SPOCK1: variants seen among roughly 807,000 people sequenced by gnomAD.
SPOCK1 encodes SPARC (osteonectin), cwcv and kazal like domains proteoglycan 1.
Under a neutral mutation model 55.3 loss-of-function variants are expected in SPOCK1, and 23 were observed. That is an observed-to-expected ratio of 0.42 (90% CI 0.30 to 0.59). SPOCK1 has a LOEUF of 0.59. Among genes scored for constraint, SPOCK1 ranks in the 20% least tolerant of loss-of-function variants. The pLI, the probability that SPOCK1 is intolerant of heterozygous loss-of-function variation, is 0.22. For synonymous variants in SPOCK1, 226 were observed against 221.0 expected (o/e 1.02, Z -0.20); for missense variants, 499 against 552.5 (o/e 0.90, Z 0.97).
At chr5:137,485,685 A>G (rs1754040054) in intron 2 of SPOCK1, among the ~76,000 whole-genome samples, 1 of 152,204 alleles carries the variant, frequency 6.6e-6, no homozygotes, top group African/African-American at 2.4e-5. Flanking sequence ...AGGTAAATAA[A>G]TTGTGGAATA....
intron 3 of SPOCK1, among the ~76,000 whole-genome samples, chr5:137,265,973 T>G (rs188091362): frequency 8.5e-5 from 13 of 152,338 alleles, no homozygotes; most frequent in African/African-American, 3.1e-4. Context: ...AATGCTAGCA[T>G]GCATGAATGA....
chr5:137,399,017 A>G (rs1438674067), intron 2 of SPOCK1, among the ~76,000 whole-genome samples: 1 of 151,742 alleles, frequency 6.6e-6, no homozygotes, highest in Non-Finnish European at 1.5e-5. Flanking sequence ...TACAAATGAC[A>G]CCATCCTAAA....
chr5:137,209,376 T>G (rs1001737582), intron 3 of SPOCK1, among the ~76,000 whole-genome samples: 6 of 152,222 alleles, frequency 3.9e-5, no homozygotes, highest in Admixed American at 3.9e-4. Flanking sequence ...ATGCTATAAA[T>G]GAATTGCTTG....
intron 4 of SPOCK1, among the ~76,000 whole-genome samples, chr5:137,113,622 C>A (rs1319845693): frequency 1.3e-5 from 2 of 152,116 alleles, no homozygotes; most frequent in Non-Finnish European, 2.9e-5. Flanking sequence ...GAATTGACTT[C>A]AAGTGGATAT....
chr5:137,156,912 C>A (rs1165341047), intron 3 of SPOCK1, among the ~76,000 whole-genome samples: 1 of 151,950 alleles, frequency 6.6e-6, no homozygotes, highest in Non-Finnish European at 1.5e-5. Flanking sequence ...GGTGACCAGC[C>A]CATATAATGC....
intron 3 of SPOCK1, among the ~76,000 whole-genome samples, chr5:137,141,095 A>G (rs1754089042): frequency 6.6e-6 from 1 of 152,182 alleles, no homozygotes; most frequent in South Asian, 2.1e-4. Context: ...ACAGATAGGA[A>G]GTAAACCAAC....
chr5:137,399,878 C>T (rs746628133), intron 2 of SPOCK1, among the ~76,000 whole-genome samples: 1 of 152,110 alleles, frequency 6.6e-6, no homozygotes, highest in South Asian at 2.1e-4. Context: ...TATTTGACAG[C>T]GTTGGCAGGG....
chr5:137,485,777 A>G (rs1347311350), intron 2 of SPOCK1, among the ~76,000 whole-genome samples: 1 of 152,250 alleles, frequency 6.6e-6, no homozygotes, highest in Non-Finnish European at 1.5e-5. Flanking sequence ...AAGAAGCCAG[A>G]CATTTAAAAG....
At chr5:137,064,581 G>C (rs1752459285) in intron 6 of SPOCK1, among the ~76,000 whole-genome samples, 1 of 152,144 alleles carries the variant, frequency 6.6e-6, no homozygotes, top group South Asian at 2.1e-4. Context: ...ACAGGTAAGG[G>C]GAGGTGGACT....
chr5:137,326,165 GC>G (rs1320318151), intron 2 of SPOCK1, among the ~76,000 whole-genome samples: 1 of 151,944 alleles, frequency 6.6e-6, no homozygotes, highest in Non-Finnish European at 1.5e-5. Flanking sequence ...AAAAAAGGCA[GC>G]TCCCATTCAG....
chr5:137,224,126 AC>A (rs1265580772), intron 3 of SPOCK1, among the ~76,000 whole-genome samples: 1 of 152,224 alleles, frequency 6.6e-6, no homozygotes, highest in Non-Finnish European at 1.5e-5. Flanking sequence ...ATAGCTCAGC[AC>A]TGTTTGTTAA....
Position 137,462,608 on chromosome 5 carries a change from T to G in SPOCK1, c.186+35765A>C, listed in dbSNP as rs1753512913. ...TTTCCTTATCTGAAAAAAATGAGGA[T>G]TATAGTGGTATTGATGACATGGAGC... On this transcript the variant is annotated intron_variant, in intron 2 of 10. Coordinates refer to ENST00000394945, the MANE Select transcript of SPOCK1 (RefSeq NM_004598.4). 2.6e-5 allele frequency among the ~76,000 whole-genome samples: 4 copies of G among 152,136 alleles called. No individual in the cohort carries two copies. The South Asian group carries it at 8.3e-4, about 32-fold the overall frequency.
At chr5:137,217,647 TACTGAAGTAAGTACTC>T (rs1755743932) in intron 3 of SPOCK1, among the ~76,000 whole-genome samples, 1 of 152,244 alleles carries the variant, frequency 6.6e-6, no homozygotes. Flanking sequence ...CAGCCACTGT[TACTGAAGTAAGTACTC>T]ACTGTACTTC....
At chr5:137,152,174 A>T (rs929312589) in intron 3 of SPOCK1, among the ~76,000 whole-genome samples, 1 of 152,216 alleles carries the variant, frequency 6.6e-6, no homozygotes, top group Non-Finnish European at 1.5e-5. Context: ...AGTGCCGTAT[A>T]ACTTAAGTCT....
intron 3 of SPOCK1, among the ~76,000 whole-genome samples, chr5:137,214,288 G>A (rs1755672068): frequency 6.6e-6 from 1 of 152,136 alleles, no homozygotes; most frequent in Admixed American, 6.5e-5. Context: ...TCACAGAGCT[G>A]GCAAGTGGTG....
rs1561573511 is a variant in SPOCK1 at position 136,992,860 on chromosome 5, G to T, written c.590-260C>A. 3 of 359,834 alleles carry T rather than the reference G, an allele frequency of 8.3e-6. No homozygotes were observed. The East Asian group carries it at 1.4e-4, about 16-fold the overall frequency. The allele number at this position is 359,834 out of a possible 1,614,324, so 22.3% of individuals were successfully genotyped here. On this transcript the variant is annotated intron_variant, in intron 6 of 10. Coordinates refer to ENST00000394945, the MANE Select transcript of SPOCK1 (RefSeq NM_004598.4). ...CTCTGTGCTGTGAAAGCAAGCTGCA[G>T]TGGTCTCACCGTTGTGTAGCATCCT...
chr5:137,197,535 C>T (rs1250331018), intron 3 of SPOCK1, among the ~76,000 whole-genome samples: 1 of 152,122 alleles, frequency 6.6e-6, no homozygotes, highest in Non-Finnish European at 1.5e-5. Flanking sequence ...GTGTGACATG[C>T]CTGCCACAGG....
intron 2 of SPOCK1, among the ~76,000 whole-genome samples, chr5:137,376,748 C>T (rs1751327122): frequency 6.6e-6 from 1 of 152,054 alleles, no homozygotes; most frequent in South Asian, 2.1e-4. Context: ...TTAAATACTG[C>T]TGTATACTGA....
At chr5:137,328,352 C>G (rs1052492626) in intron 2 of SPOCK1, among the ~76,000 whole-genome samples, 1 of 152,146 alleles carries the variant, frequency 6.6e-6, no homozygotes, top group Non-Finnish European at 1.5e-5. Context: ...GACCTATGCC[C>G]TCCCCAAGAA....
Sources: gnomAD v4.1 joint callset for allele counts (sites outside exome capture counted in the v4.1 genomes callset) on GRCh38, gnomAD v4.1.1 for gene constraint, MANE v1.5 for transcripts, NCBI Gene and HGNC (gene_info 2026-07-23, HGNC 2026-07-21) for gene names.